NFIA: variants seen among roughly 807,000 people sequenced by gnomAD.
NFIA encodes nuclear factor 1 A-type.
Under a neutral mutation model 62.8 loss-of-function variants are expected in NFIA, and 8 were observed. The ratio of observed to expected loss-of-function variants is 0.13; its 90% CI spans 0.07 to 0.23. The LOEUF is 0.23. Ranked by LOEUF, NFIA falls within the 10% of genes least tolerant of loss-of-function variation. NFIA has a pLI of 1.00. For synonymous variants in NFIA, 235 were observed against 238.1 expected (o/e 0.99, Z 0.12); for missense variants, 410 against 642.1 (o/e 0.64, Z 3.91).
chr1:61,417,305 T>C (rs1246270145), intron 9 of NFIA, among the ~76,000 whole-genome samples: 2 of 147,250 alleles, frequency 1.4e-5, no homozygotes, highest in African/African-American at 5.0e-5. Flanking sequence ...ACATATAAGA[T>C]GATTGTGACC....
chr1:61,374,355 G>A (rs1325574643), intron 6 of NFIA, among the ~76,000 whole-genome samples: 1 of 152,074 alleles, frequency 6.6e-6, no homozygotes, highest in East Asian at 1.9e-4. Context: ...GGGGGCAGAT[G>A]GAATGGGTAG....
At chr1:61,267,449 C>A (rs1191245478) in intron 2 of NFIA, among the ~76,000 whole-genome samples, 1 of 151,972 alleles carries the variant, frequency 6.6e-6, no homozygotes, top group African/African-American at 2.4e-5. Flanking sequence ...GCGGAGGTTG[C>A]AGTGAGCCGA....
At chr1:61,170,560 AGG>A in intron 2 of NFIA, among the ~76,000 whole-genome samples, 1 of 152,178 alleles carries the variant, frequency 6.6e-6, no homozygotes, top group East Asian at 1.9e-4. Flanking sequence ...CTGGATGCTT[AGG>A]ACTGTAACCA....
chr1:61,367,567 A>G (rs941865135), intron 6 of NFIA, among the ~76,000 whole-genome samples: 4 of 152,192 alleles, frequency 2.6e-5, no homozygotes, highest in East Asian at 1.9e-4. Context: ...TACAGTAACA[A>G]GGGGCCTCTT....
chr1:61,299,173 C>G (rs1659358013), intron 3 of NFIA, among the ~76,000 whole-genome samples: 1 of 152,176 alleles, frequency 6.6e-6, no homozygotes. Context: ...CCTTCCTTGA[C>G]AGATTCCCAT....
intron 9 of NFIA, among the ~76,000 whole-genome samples, chr1:61,416,708 A>T (rs1427803894): frequency 6.6e-6 from 1 of 152,158 alleles, no homozygotes; most frequent in South Asian, 2.1e-4. Flanking sequence ...AGGTATTTTC[A>T]TATGCATTAC....
chr1:61,288,816 G>A lies in NFIA; in HGVS notation c.625+11231G>A, dbSNP rs117496454. On this transcript the variant is annotated intron_variant, in intron 3 of 10. Transcript: ENST00000403491. Reference sequence around the variant, plus strand: ...AGCTCTCACTCCCATTGCCTAGGCTGGAGTGCAGTGGTATGATCATGGCTC... The same window carrying A: ...AGCTCTCACTCCCATTGCCTAGGCTAGAGTGCAGTGGTATGATCATGGCTC... Among the ~76,000 whole-genome samples, 315 of 152,310 alleles carry A rather than the reference G, an allele frequency of 2.1e-3. 8 individuals carry two copies. The East Asian group carries it at 0.038, about 18-fold the overall frequency.
chr1:61,306,269 CTTT>C (rs774297484), intron 3 of NFIA, among the ~76,000 whole-genome samples: 6,504 of 60,402 alleles, frequency 0.11, 360 homozygotes, highest in Non-Finnish European at 0.14. Context: ...AGATTTTGTT[CTTT>C]TTTTTTTTTT....
intron 1 of NFIA, 142 bp downstream of exon 1, chr1:61,082,960 CTGTG>C (rs1001474722): frequency 4.6e-5 from 11 of 241,550 alleles, no homozygotes; most frequent in Middle Eastern, 4.3e-3. Context: ...GCGCGTGTTT[CTGTG>C]TGTGTGCGCG....
intron 2 of NFIA, among the ~76,000 whole-genome samples, chr1:61,276,016 T>G (rs1360173811): frequency 6.6e-6 from 1 of 152,148 alleles, no homozygotes; most frequent in East Asian, 1.9e-4. Flanking sequence ...TGGCATATAA[T>G]AATACATTTT....
At chr1:61,319,386 T>C (rs1172021025) in intron 3 of NFIA, among the ~76,000 whole-genome samples, 5 of 152,272 alleles carry the variant, frequency 3.3e-5, no homozygotes, top group South Asian at 2.1e-4. Context: ...CTATTAAGAA[T>C]AGATGTTTCA....
At chr1:61,372,730 G>T (rs190398401) in intron 6 of NFIA, among the ~76,000 whole-genome samples, 90 of 152,224 alleles carry the variant, frequency 5.9e-4, no homozygotes, top group African/African-American at 1.9e-3. Context: ...TTACATCCAT[G>T]AAGCTGCATT....
In NFIA at chr1:61,281,312, A is replaced by G. The variant is rs566636608; in HGVS notation, c.625+3727A>G. On this transcript the variant is annotated intron_variant, in intron 3 of 10. Coordinates refer to ENST00000403491, the MANE Select transcript of NFIA (RefSeq NM_001134673.4). ...CATGAGTGGTAAACTGAGAATATGCATACAAAATAGCATTCTGCCTGGTTC... is the reference window on the plus strand; with the variant it reads ...CATGAGTGGTAAACTGAGAATATGCGTACAAAATAGCATTCTGCCTGGTTC... Among the ~76,000 whole-genome samples, 4 of 152,288 alleles carry G rather than the reference A, an allele frequency of 2.6e-5. No homozygotes were observed. The East Asian group carries it at 7.7e-4, about 29-fold the overall frequency.
chr1:61,184,182 G>C (rs554361603), intron 2 of NFIA, among the ~76,000 whole-genome samples: 3 of 149,188 alleles, frequency 2.0e-5, no homozygotes, highest in Admixed American at 1.3e-4. Flanking sequence ...AAAAACTTCA[G>C]AGGGGAAACT....
chr1:61,313,331 C>G (rs1372147155), intron 3 of NFIA, among the ~76,000 whole-genome samples: 3 of 152,188 alleles, frequency 2.0e-5, no homozygotes, highest in African/African-American at 7.2e-5. Context: ...ATCTGCTGGG[C>G]TTCTGGGAAG....
At chr1:61,137,437 G>A (rs1260673235) in intron 2 of NFIA, among the ~76,000 whole-genome samples, 2 of 152,172 alleles carry the variant, frequency 1.3e-5, no homozygotes, top group African/African-American at 2.4e-5. Context: ...GCAAACTAGT[G>A]CAGGTATGTT....
At chr1:61,390,096 TG>T in intron 7 of NFIA, among the ~76,000 whole-genome samples, 1 of 152,138 alleles carries the variant, frequency 6.6e-6, no homozygotes, top group South Asian at 2.1e-4. Context: ...AAGCACAGGG[TG>T]CGGTAGAAAA....
At chr1:61,438,053 C>A (rs758377410) in intron 10 of NFIA, among the ~76,000 whole-genome samples, 1 of 152,074 alleles carries the variant, frequency 6.6e-6, no homozygotes, top group Non-Finnish European at 1.5e-5. Flanking sequence ...TCCTGAGATA[C>A]AGGATTTTAT....
chr1:61,396,872 G>A (rs1233611236), intron 7 of NFIA, among the ~76,000 whole-genome samples: 1 of 151,978 alleles, frequency 6.6e-6, no homozygotes, highest in African/African-American at 2.4e-5. Flanking sequence ...TGTGATGGTA[G>A]GCACCTGTAG....
Sources: gnomAD v4.1 joint callset for allele counts (sites outside exome capture counted in the v4.1 genomes callset) on GRCh38, gnomAD v4.1.1 for gene constraint, MANE v1.5 for transcripts, NCBI Gene and HGNC (gene_info 2026-07-23, HGNC 2026-07-21) for gene names.